The following SLC25A21 variants were observed in gnomAD, a reference collection of about 807,000 sequenced individuals.
The protein encoded by SLC25A21 is mitochondrial 2-oxodicarboxylate carrier.
In SLC25A21, 47 loss-of-function variants were observed where a neutral mutation model predicts 43.8. That is an observed-to-expected ratio of 1.07 (90% CI 0.85 to 1.37). SLC25A21 has a LOEUF of 1.37. Ranked by LOEUF, SLC25A21 falls within the 40% of genes most tolerant of loss-of-function variation. SLC25A21 has a pLI of 0.00. For missense variants in SLC25A21, 352 were observed against 350.2 expected (o/e 1.00, Z -0.04); for synonymous variants, 131 against 121.3 (o/e 1.08, Z -0.52).
chr14:37,000,429 A>G (rs893108644), intron 1 of SLC25A21, among the ~76,000 whole-genome samples: 4 of 152,110 alleles, frequency 2.6e-5, no homozygotes, highest in Non-Finnish European at 5.9e-5. Context: ...CTTTCCACCA[A>G]ACTCAGAATT....
chr14:36,795,019 A>C (rs1424383574), intron 3 of SLC25A21, among the ~76,000 whole-genome samples: 3 of 152,124 alleles, frequency 2.0e-5, no homozygotes, highest in African/African-American at 7.2e-5. Context: ...TAAAAACTTT[A>C]TTTATTATGA....
chr14:37,152,458 T>A (rs1950373), intron 1 of SLC25A21, among the ~76,000 whole-genome samples: 2 of 150,822 alleles, frequency 1.3e-5, no homozygotes, highest in Middle Eastern at 3.4e-3. Flanking sequence ...CTCAGCTCAC[T>A]GCAACCTCTG....
chr14:37,149,864 A>AT (rs1963729366), intron 1 of SLC25A21, among the ~76,000 whole-genome samples: 1 of 152,166 alleles, frequency 6.6e-6, no homozygotes, highest in African/African-American at 2.4e-5. Flanking sequence ...TTATTTAAAA[A>AT]TTTTTTAAAG....
At chr14:36,898,873 T>C (rs995936327) in intron 1 of SLC25A21, among the ~76,000 whole-genome samples, 5 of 152,154 alleles carry the variant, frequency 3.3e-5, no homozygotes, top group Non-Finnish European at 5.9e-5. Flanking sequence ...TTGTACAACA[T>C]GATGACTTTA....
At chr14:37,164,770 A>C (rs1964004129) in intron 1 of SLC25A21, among the ~76,000 whole-genome samples, 1 of 152,204 alleles carries the variant, frequency 6.6e-6, no homozygotes, top group South Asian at 2.1e-4. Flanking sequence ...TCAGGTTAAA[A>C]GCCTTGGACT....
In SLC25A21 at chr14:36,868,502, T is replaced by C. The variant is rs10136142; in HGVS notation, c.119+6454A>G. Among the ~76,000 whole-genome samples the C allele has an allele frequency of 6.7e-3, 1,025 of 152,314 alleles. 18 individuals carry two copies. The highest frequency in any genetic ancestry group is 0.024 in the African/African-American group (983 of 41,578). On this transcript the variant is annotated intron_variant, in intron 2 of 9. Coordinates refer to ENST00000331299, the MANE Select transcript of SLC25A21 (RefSeq NM_030631.4). ...GTCTATCCCTGGTGACATATTTGCA[T>C]GGAGCAGAATAAACTTTTTTCCTAT...
intron 1 of SLC25A21, among the ~76,000 whole-genome samples, chr14:37,074,673 A>G (rs1935962021): frequency 6.6e-6 from 1 of 152,010 alleles, no homozygotes; most frequent in South Asian, 2.1e-4. Context: ...CTCTACTAAA[A>G]ATACAAAAAG....
intron 7 of SLC25A21, among the ~76,000 whole-genome samples, chr14:36,697,751 C>CTTTTTTTTTTTTTTTTTT (rs1883096336): frequency 9.3e-4 from 69 of 73,926 alleles, no homozygotes; most frequent in East Asian, 1.5e-3. Flanking sequence ...TTTTTTTTTG[C>CTTTTTTTTTTTTTTTTTT]TTTCCATTTG....
intron 1 of SLC25A21, among the ~76,000 whole-genome samples, chr14:37,120,262 A>G (rs1963183516): frequency 6.6e-6 from 1 of 152,188 alleles, no homozygotes; most frequent in South Asian, 2.1e-4. Flanking sequence ...ACCACCTCCA[A>G]GTTTTTAATC....
intron 1 of SLC25A21, among the ~76,000 whole-genome samples, chr14:36,896,102 T>C (rs1321163857): frequency 6.6e-6 from 1 of 152,198 alleles, no homozygotes; most frequent in Non-Finnish European, 1.5e-5. Context: ...CCTCGTTAAC[T>C]TTCTGTCTCG....
At chr14:36,881,588 T>C (rs1055740800) in intron 1 of SLC25A21, among the ~76,000 whole-genome samples, 2 of 152,178 alleles carry the variant, frequency 1.3e-5, no homozygotes, top group Non-Finnish European at 2.9e-5. Flanking sequence ...CTTGCCCTTT[T>C]TTTCTACCCA....
chr14:37,097,540 A>G (rs919149531), intron 1 of SLC25A21, among the ~76,000 whole-genome samples: 4 of 152,150 alleles, frequency 2.6e-5, no homozygotes, highest in African/African-American at 9.7e-5. Context: ...TGAAATATTT[A>G]GGGGCAAGGC....
Position 36,955,729 on chromosome 14 carries a change from G to T in SLC25A21, c.71-80725C>A, listed in dbSNP as rs568318446. Among the ~76,000 whole-genome samples the T allele has an allele frequency of 6.1e-3, 922 of 151,340 alleles. 11 individuals carry two copies. Among genetic ancestry groups the T allele is most frequent in the African/African-American group, 0.021 (864 of 41,232 alleles). ...GTAAGGAATACATAGGCCTAAGGTTGTTTTTTTTTGTTTTTTGTTTTTTCA... is the reference window on the plus strand; with the variant it reads ...GTAAGGAATACATAGGCCTAAGGTTTTTTTTTTTTGTTTTTTGTTTTTTCA... On this transcript the variant is annotated intron_variant, in intron 1 of 9. Coordinates refer to ENST00000331299, the MANE Select transcript of SLC25A21 (RefSeq NM_030631.4).
At chr14:37,013,516 G>A (rs559540779) in intron 1 of SLC25A21, among the ~76,000 whole-genome samples, 3 of 152,118 alleles carry the variant, frequency 2.0e-5, no homozygotes, top group Non-Finnish European at 4.4e-5. Context: ...TTGCAGGCTT[G>A]TTTTCAAAAA....
chr14:36,899,454 A>C (rs1594678933), intron 1 of SLC25A21, among the ~76,000 whole-genome samples: 1 of 152,322 alleles, frequency 6.6e-6, no homozygotes, highest in East Asian at 1.9e-4. Flanking sequence ...CTCCGAACTA[A>C]ATTCAACTTA....
intron 1 of SLC25A21, among the ~76,000 whole-genome samples, chr14:36,906,448 T>C (rs1021113634): frequency 2.0e-5 from 3 of 151,864 alleles, no homozygotes; most frequent in Non-Finnish European, 4.4e-5. Context: ...CCAAGATGAC[T>C]CTAATGCATG....
At chr14:37,150,677 C>G (rs199916099) in intron 1 of SLC25A21, among the ~76,000 whole-genome samples, 1 of 152,136 alleles carries the variant, frequency 6.6e-6, no homozygotes, top group East Asian at 1.9e-4. Flanking sequence ...AGGAAGACAG[C>G]GCCATCTATA....
intron 1 of SLC25A21, among the ~76,000 whole-genome samples, chr14:36,997,602 G>C (rs984714163): frequency 6.6e-6 from 1 of 152,166 alleles, no homozygotes; most frequent in Admixed American, 6.5e-5. Context: ...GCTGAGGTGG[G>C]TAGATCACCT....
In SLC25A21 at chr14:36,959,739, C is replaced by T. The variant is rs74045208; in HGVS notation, c.71-84735G>A. On this transcript the variant is annotated intron_variant, in intron 1 of 9. Transcript: ENST00000331299. ...CTCTGCCAGTTCCCGGTAAACAGACCAACACATGTTGGCTGTTCCCATGCT... is the reference window on the plus strand; with the variant it reads ...CTCTGCCAGTTCCCGGTAAACAGACTAACACATGTTGGCTGTTCCCATGCT... Among the ~76,000 whole-genome samples the T allele has an allele frequency of 6.0e-3, 911 of 152,236 alleles. 7 individuals carry two copies. The highest frequency in any genetic ancestry group is 0.021 in the African/African-American group (859 of 41,534).
Sources: gnomAD v4.1 joint callset for allele counts (sites outside exome capture counted in the v4.1 genomes callset) on GRCh38, gnomAD v4.1.1 for gene constraint, MANE v1.5 for transcripts, NCBI Gene and HGNC (gene_info 2026-07-23, HGNC 2026-07-21) for gene names.